Variants in AFG3L2 observed in about 807,000 individuals in gnomAD.
AFG3L2 encodes the protein mitochondrial inner membrane m-AAA protease component AFG3L2.
Under a neutral mutation model 94.5 loss-of-function variants are expected in AFG3L2, and 54 were observed. The ratio of observed to expected loss-of-function variants is 0.57; its 90% CI spans 0.46 to 0.72. AFG3L2 has a LOEUF of 0.72. AFG3L2 is among the 30% of genes least tolerant of loss of function. AFG3L2 has a pLI of 0.00. For missense variants in AFG3L2, 754 were observed against 994.9 expected (o/e 0.76, Z 3.26); for synonymous variants, 377 against 365.5 (o/e 1.03, Z -0.36).
intron 16 of AFG3L2, among the ~76,000 whole-genome samples, chr18:12,331,826 T>TATAA (rs1907540213): frequency 2.2e-3 from 5 of 2,234 alleles, no homozygotes; most frequent in African/African-American, 3.7e-3. Context: ...TATATATATA[T>TATAA]ATATATATAT....
chr18:12,343,519 T>C (rs1172693166), intron 14 of AFG3L2: 3 of 155,854 alleles, frequency 1.9e-5, no homozygotes, highest in South Asian at 3.9e-4. Flanking sequence ...AATGCCTCAG[T>C]TGAAAAGCAA....
intron 1 of AFG3L2, among the ~76,000 whole-genome samples, chr18:12,374,897 A>G (rs989373530): frequency 6.6e-6 from 1 of 151,974 alleles, no homozygotes; most frequent in Non-Finnish European, 1.5e-5. Flanking sequence ...CTCTACTAAA[A>G]ATACAAAATT....
chr18:12,337,190 A>T (rs1163064392), intron 16 of AFG3L2, 151 bp downstream of exon 16: 1 of 733,242 alleles, frequency 1.4e-6, no homozygotes, highest in East Asian at 2.6e-5. Flanking sequence ...TTGAAGACAG[A>T]GCAGACAACG....
At chr18:12,332,831 CTT>C (rs1313012194) in intron 16 of AFG3L2, among the ~76,000 whole-genome samples, 4 of 47,578 alleles carry the variant, frequency 8.4e-5, no homozygotes, top group African/African-American at 2.9e-4. Flanking sequence ...TCTCAATTTG[CTT>C]ATACACACAC....
intron 3 of AFG3L2, 122 bp downstream of exon 3, chr18:12,370,727 G>A: frequency 1.4e-6 from 1 of 707,166 alleles, no homozygotes; most frequent in Non-Finnish European, 2.5e-6. Context: ...CCAAAAGGCT[G>A]GGATTACAGG....
intron 5 of AFG3L2, among the ~76,000 whole-genome samples, chr18:12,365,301 G>A (rs2143211819): frequency 6.6e-6 from 1 of 152,228 alleles, no homozygotes; most frequent in Non-Finnish European, 1.5e-5. Flanking sequence ...CCACCTCGAG[G>A]ACCTGCCATC....
chr18:12,374,642 A>C (rs1909087538), intron 1 of AFG3L2, among the ~76,000 whole-genome samples: 1 of 152,246 alleles, frequency 6.6e-6, no homozygotes, highest in Non-Finnish European at 1.5e-5. Context: ...TGAGTGATAC[A>C]GGGACAATAG....
intron 3 of AFG3L2, among the ~76,000 whole-genome samples, chr18:12,367,977 G>A (rs1403794780): frequency 6.6e-6 from 1 of 152,078 alleles, no homozygotes; most frequent in Non-Finnish European, 1.5e-5. Context: ...AGACCAGCCT[G>A]TTCAACATGG....
intron 6 of AFG3L2, chr18:12,360,286 CTAAAATTA>C (rs1299318787): frequency 1.3e-5 from 6 of 479,952 alleles, no homozygotes; most frequent in South Asian, 1.2e-4. Context: ...CTCAGTGGCT[CTAAAATTA>C]TAAACTCAAA....
intron 3 of AFG3L2, among the ~76,000 whole-genome samples, chr18:12,368,791 G>C (rs1479112840): frequency 6.6e-6 from 1 of 152,090 alleles, no homozygotes; most frequent in Non-Finnish European, 1.5e-5. Flanking sequence ...AGTAGAGATA[G>C]GGTTTCATCA....
At chr18:12,375,425 A>C (rs1480367455) in intron 1 of AFG3L2, among the ~76,000 whole-genome samples, 1 of 151,754 alleles carries the variant, frequency 6.6e-6, no homozygotes, top group Non-Finnish European at 1.5e-5. Flanking sequence ...AAAAAAAAAA[A>C]AACAATTTGT....
intron 14 of AFG3L2, chr18:12,343,236 C>T (rs1251743356): frequency 6.6e-6 from 1 of 152,072 alleles, no homozygotes; most frequent in East Asian, 1.9e-4. Context: ...TTTCATTTTC[C>T]AATTGTTTAT....
At chr18:12,347,614 G>A (rs138896017) in intron 13 of AFG3L2, among the ~76,000 whole-genome samples, 5 of 150,930 alleles carry the variant, frequency 3.3e-5, no homozygotes, top group South Asian at 2.1e-4. Flanking sequence ...GCAGTGGCAC[G>A]ATCTCGGCTC....
At chr18:12,349,144 T>C (rs1055731062) in intron 12 of AFG3L2, among the ~76,000 whole-genome samples, 2 of 152,200 alleles carry the variant, frequency 1.3e-5, no homozygotes, top group East Asian at 1.9e-4. Context: ...TAAAAAATTA[T>C]TGGAATAAGC....
At chr18:12,348,854 G>C (rs1908225558) in intron 12 of AFG3L2, among the ~76,000 whole-genome samples, 1 of 152,150 alleles carries the variant, frequency 6.6e-6, no homozygotes, top group Admixed American at 6.5e-5. Flanking sequence ...CTTGTCAAAT[G>C]CTTTTTAGAT....
At chr18:12,349,478 A>T (rs1908246017) in intron 12 of AFG3L2, among the ~76,000 whole-genome samples, 1 of 152,258 alleles carries the variant, frequency 6.6e-6, no homozygotes, top group Non-Finnish European at 1.5e-5. Flanking sequence ...CATAATAGCC[A>T]AAAAGTGGAA....
intron 12 of AFG3L2, among the ~76,000 whole-genome samples, chr18:12,349,263 G>A (rs1384280622): frequency 2.0e-5 from 3 of 152,138 alleles, no homozygotes; most frequent in Non-Finnish European, 1.5e-5. Flanking sequence ...AGACAGTGAC[G>A]AGTGCTGGCA....
intron 15 of AFG3L2, 49 bp downstream of exon 15, chr18:12,340,152 G>T (rs776531972): frequency 1.3e-6 from 2 of 1,520,508 alleles, no homozygotes; most frequent in Non-Finnish European, 9.1e-7. Flanking sequence ...TCAATTTCTC[G>T]TGCAAATATG....
Position 12,354,003 on chromosome 18 carries a change from C to T in AFG3L2, c.1165-845G>A, listed in dbSNP as rs146077226. ...GTCTGCCACCCACCCCACCACAGAC[C>T]ATCCTGATAGCACATACCCTCAGAC... On this transcript the variant is annotated intron_variant, in intron 9 of 16. Transcript: ENST00000269143. 9.6e-4 allele frequency among the ~76,000 whole-genome samples: 146 copies of T among 152,198 alleles called. 1 individual carries two copies. Among genetic ancestry groups the T allele is most frequent in the African/African-American group, 3.4e-3 (142 of 41,532 alleles).
Sources: gnomAD v4.1 joint callset for allele counts (sites outside exome capture counted in the v4.1 genomes callset) on GRCh38, gnomAD v4.1.1 for gene constraint, MANE v1.5 for transcripts, NCBI Gene and HGNC (gene_info 2026-07-23, HGNC 2026-07-21) for gene names.